Variants in CPQ observed in about 807,000 individuals in gnomAD.
CPQ encodes carboxypeptidase Q, also known as Ser-Met dipeptidase.
A neutral mutation model predicts 45.7 loss-of-function variants in CPQ; 37 were observed. The observed-to-expected ratio is 0.81, with a 90% CI of 0.62 to 1.07. CPQ has a LOEUF of 1.07. CPQ is among the 50% of genes least tolerant of loss of function. CPQ has a pLI of 0.00. For missense variants in CPQ, 537 were observed against 572.9 expected (o/e 0.94, Z 0.64); for synonymous variants, 186 against 205.8 (o/e 0.90, Z 0.82).
chr8:96,663,525 AG>A (rs1408268002), intron 1 of CPQ, among the ~76,000 whole-genome samples: 3 of 152,338 alleles, frequency 2.0e-5, no homozygotes, highest in Admixed American at 2.0e-4. Context: ...CCATGGGATT[AG>A]GTTAGGTAAC....
At chr8:97,136,783 G>A (rs1178939598) in intron 7 of CPQ, among the ~76,000 whole-genome samples, 2 of 152,194 alleles carry the variant, frequency 1.3e-5, no homozygotes, top group Non-Finnish European at 2.9e-5. Context: ...GGCTCCTTCT[G>A]CCAGCTTTCC....
intron 1 of CPQ, among the ~76,000 whole-genome samples, chr8:96,693,403 C>T (rs1809330540): frequency 6.6e-6 from 1 of 151,894 alleles, no homozygotes; most frequent in South Asian, 2.1e-4. Flanking sequence ...AGAAGACTAC[C>T]TCAAGGCATT....
chr8:96,732,080 T>G (rs564905222), intron 1 of CPQ, among the ~76,000 whole-genome samples: 3 of 152,276 alleles, frequency 2.0e-5, no homozygotes, highest in Non-Finnish European at 4.4e-5. Context: ...TCAGATGATC[T>G]GTAATTGAAT....
chr8:96,766,234 T>C (rs1810466030), intron 1 of CPQ, among the ~76,000 whole-genome samples: 1 of 152,156 alleles, frequency 6.6e-6, no homozygotes. Flanking sequence ...TTTTCATCTT[T>C]CCTTTCTTTT....
At chr8:96,693,921 A>G (rs1322661978) in intron 1 of CPQ, among the ~76,000 whole-genome samples, 1 of 152,196 alleles carries the variant, frequency 6.6e-6, no homozygotes, top group Non-Finnish European at 1.5e-5. Flanking sequence ...TTCAAGATGT[A>G]GGCAATACAA....
chr8:97,045,227 A>G lies in CPQ; in HGVS notation c.1053+15733A>G, dbSNP rs550008993. ...TCCCCCAGCCTCGCTGCCGCCTTGC[A>G]GTTTGATCTCAGACTGCTGTGCTAG... On this transcript the variant is annotated intron_variant, in intron 6 of 7. Coordinates refer to ENST00000220763, the MANE Select transcript of CPQ (RefSeq NM_016134.4). 5.3e-5 allele frequency among the ~76,000 whole-genome samples: 8 copies of G among 152,196 alleles called. No homozygotes were observed. In the East Asian group the frequency reaches 1.4e-3, roughly 26 times the overall value.
At chr8:96,874,930 T>C (rs1812125361) in intron 3 of CPQ, among the ~76,000 whole-genome samples, 1 of 151,912 alleles carries the variant, frequency 6.6e-6, no homozygotes, top group East Asian at 1.9e-4. Flanking sequence ...TTTTCCAGAG[T>C]AACTATGCCA....
At chr8:96,832,756 T>C (rs1255093605) in intron 2 of CPQ, among the ~76,000 whole-genome samples, 1 of 152,136 alleles carries the variant, frequency 6.6e-6, no homozygotes, top group Non-Finnish European at 1.5e-5. Flanking sequence ...GGTAGGTGTC[T>C]ATACAGGGAA....
At chr8:96,795,187 A>T (rs577225480) in intron 2 of CPQ, among the ~76,000 whole-genome samples, 1 of 152,178 alleles carries the variant, frequency 6.6e-6, no homozygotes, top group African/African-American at 2.4e-5. Flanking sequence ...AAAGAAAGAG[A>T]TTTACTAGAC....
intron 4 of CPQ, among the ~76,000 whole-genome samples, chr8:96,928,484 A>T (rs1382205303): frequency 7.9e-5 from 12 of 151,850 alleles, no homozygotes; most frequent in Admixed American, 7.9e-4. Context: ...GTTTAGCAGC[A>T]GATAGGCAGA....
intron 6 of CPQ, among the ~76,000 whole-genome samples, chr8:97,042,840 G>A (rs1810155363): frequency 6.6e-6 from 1 of 152,084 alleles, no homozygotes; most frequent in Non-Finnish European, 1.5e-5. Context: ...ATTGCACTGT[G>A]GTCTGAGAGA....
At chr8:96,964,254 G>A (rs1257996573) in intron 4 of CPQ, among the ~76,000 whole-genome samples, 1 of 149,496 alleles carries the variant, frequency 6.7e-6, no homozygotes, top group African/African-American at 2.5e-5. Context: ...AGCATTGCTG[G>A]GTCATAGTTT....
chr8:97,045,940 T>C (rs1810248434), intron 6 of CPQ, among the ~76,000 whole-genome samples: 1 of 152,196 alleles, frequency 6.6e-6, no homozygotes, highest in Non-Finnish European at 1.5e-5. Context: ...GAAGCCAGGA[T>C]GGGCAATACC....
intron 1 of CPQ, among the ~76,000 whole-genome samples, chr8:96,654,774 T>C (rs1262176183): frequency 6.6e-6 from 1 of 152,194 alleles, no homozygotes; most frequent in African/African-American, 2.4e-5. Context: ...GTAGCTGATG[T>C]TTATCTTTTT....
chr8:96,972,572 A>G (rs1202662573), intron 5 of CPQ, among the ~76,000 whole-genome samples: 1 of 152,218 alleles, frequency 6.6e-6, no homozygotes, highest in Non-Finnish European at 1.5e-5. Flanking sequence ...CTGGAGGCCA[A>G]CCAACACAAA....
rs1172189500 is a variant in CPQ at position 96,767,635 on chromosome 8, C to CTTTTTTTTTTTTTTTTTTTT, written c.-34-17222_-34-17203dup. Among the ~76,000 whole-genome samples the CTTTTTTTTTTTTTTTTTTTT allele has an allele frequency of 1.3e-4, 5 of 39,314 alleles. 2 individuals carry two copies. The highest frequency in any genetic ancestry group is 1.3e-4 in the Non-Finnish European group (3 of 22,874). 25.8% of individuals were successfully genotyped at this position (39,314 alleles called of 152,430 possible). A position where few individuals can be genotyped will look rare whatever the true frequency, so the allele number is the denominator to read the frequency against. Reference sequence around the variant, plus strand: ...AATCCCTTTCAGCTGGTTACCTATGCTTTTTTTTTTTTTTTTTTTTTTTTT... The same window carrying CTTTTTTTTTTTTTTTTTTTT: ...AATCCCTTTCAGCTGGTTACCTATGCTTTTTTTTTTTTTTTTTTTTTTTTTTTTTTTTTTTTTTTTTTTTT... On this transcript the variant is annotated intron_variant, in intron 1 of 7. Transcript: ENST00000220763.
At chr8:97,113,838 A>C (rs566916584) in intron 7 of CPQ, among the ~76,000 whole-genome samples, 6 of 152,288 alleles carry the variant, frequency 3.9e-5, no homozygotes, top group Admixed American at 3.9e-4. Flanking sequence ...TGATTTCTAA[A>C]CTGCTGAAAC....
chr8:97,114,128 G>A (rs185633047), intron 7 of CPQ, among the ~76,000 whole-genome samples: 3 of 152,306 alleles, frequency 2.0e-5, no homozygotes, highest in Admixed American at 2.0e-4. Flanking sequence ...AGATTTAATT[G>A]TCCTTTGAAG....
intron 7 of CPQ, among the ~76,000 whole-genome samples, chr8:97,137,244 C>A (rs890773766): frequency 6.6e-6 from 1 of 152,188 alleles, no homozygotes; most frequent in Non-Finnish European, 1.5e-5. Flanking sequence ...ACAAATATTT[C>A]TTGCCTCTCT....
Sources: gnomAD v4.1 joint callset for allele counts (sites outside exome capture counted in the v4.1 genomes callset) on GRCh38, gnomAD v4.1.1 for gene constraint, MANE v1.5 for transcripts, NCBI Gene and HGNC (gene_info 2026-07-23, HGNC 2026-07-21) for gene names.